TMEM117: variants seen among roughly 807,000 people sequenced by gnomAD.
The protein encoded by TMEM117 is transmembrane protein 117.
In TMEM117, 27 loss-of-function variants were observed where a neutral mutation model predicts 52.4. The ratio of observed to expected loss-of-function variants is 0.51; its 90% CI spans 0.38 to 0.71. The LOEUF (loss-of-function observed/expected upper bound fraction) is 0.71, where lower values mean the gene tolerates loss of function less well. TMEM117 is among the 30% of genes least tolerant of loss of function. The probability of loss-of-function intolerance (pLI) is 0.00; values close to 1 mark genes in which losing one functional copy is unlikely to be tolerated. For synonymous variants in TMEM117, 215 were observed against 206.3 expected (o/e 1.04, Z -0.36); for missense variants, 556 against 630.5 (o/e 0.88, Z 1.26).
At chr12:44,115,486 C>G (rs148163579) in intron 3 of TMEM117, among the ~76,000 whole-genome samples, 1 of 152,176 alleles carries the variant, frequency 6.6e-6, no homozygotes, top group East Asian at 1.9e-4. Flanking sequence ...CATTCCTGAT[C>G]AACTCTGACT....
intron 3 of TMEM117, among the ~76,000 whole-genome samples, chr12:44,002,582 T>G (rs1946133062): frequency 6.6e-6 from 1 of 152,148 alleles, no homozygotes. Context: ...GGAGTTTGCT[T>G]CCCAAAGCTG....
Position 44,270,608 on chromosome 12 carries a change from C to T in TMEM117, c.609-28972C>T, listed in dbSNP as rs569973481. Among the ~76,000 whole-genome samples the T allele has an allele frequency of 2.0e-5, 3 of 152,166 alleles. No individual in the cohort carries two copies. In the South Asian group the frequency reaches 6.2e-4, roughly 32 times the overall value. The stretch of plus-strand genomic sequence containing the variant: ...TTACTGACTTGGATGCCCTTCATTT[C>T]TTTCTCATGTCTGATTGCTCTGGCT... On this transcript the variant is annotated intron_variant, in intron 5 of 7. Coordinates refer to ENST00000266534, the MANE Select transcript of TMEM117 (RefSeq NM_032256.3).
At chr12:44,165,737 A>G (rs773726188) in intron 4 of TMEM117, among the ~76,000 whole-genome samples, 1 of 152,216 alleles carries the variant, frequency 6.6e-6, no homozygotes, top group South Asian at 2.1e-4. Flanking sequence ...AATTATTATT[A>G]GATATAAAGG....
At chr12:44,025,909 C>A (rs76379637) in intron 3 of TMEM117, among the ~76,000 whole-genome samples, 2 of 151,876 alleles carry the variant, frequency 1.3e-5, no homozygotes, top group Non-Finnish European at 2.9e-5. Flanking sequence ...CCGCCCCCCC[C>A]ACCCATAGAG....
chr12:44,371,551 G>C (rs2138837189), intron 6 of TMEM117, among the ~76,000 whole-genome samples: 1 of 152,260 alleles, frequency 6.6e-6, no homozygotes, highest in Admixed American at 6.5e-5. Flanking sequence ...TAGTTTCGCA[G>C]GGTAGGGTAA....
chr12:44,260,570 A>C (rs972510756), intron 5 of TMEM117, among the ~76,000 whole-genome samples: 10 of 152,224 alleles, frequency 6.6e-5, no homozygotes, highest in African/African-American at 2.2e-4. Context: ...AGAAACATAC[A>C]GTATTTATTA....
At chr12:44,145,393 C>CT (rs1565847377) in intron 4 of TMEM117, among the ~76,000 whole-genome samples, 1 of 152,004 alleles carries the variant, frequency 6.6e-6, no homozygotes, top group Non-Finnish European at 1.5e-5. Context: ...ACCTGACCAC[C>CT]TATGGTTCGA....
intron 3 of TMEM117, among the ~76,000 whole-genome samples, chr12:44,098,243 C>G (rs1477744376): frequency 2.0e-5 from 3 of 152,050 alleles, no homozygotes; most frequent in East Asian, 3.9e-4. Context: ...TGTCCCTGAC[C>G]CCTCAGAGGT....
chr12:43,798,520 G>T, the TMEM117 span: 5 of 1,477,806 alleles, frequency 3.4e-6, no homozygotes, highest in African/African-American at 1.4e-5. Context: ...CAGCATAAAT[G>T]ATATTGGTTA....
chr12:43,941,387 A>G (rs11182340), intron 2 of TMEM117, among the ~76,000 whole-genome samples: 1,769 of 152,318 alleles, frequency 0.012, 41 homozygotes, highest in East Asian at 0.07. Context: ...ATACCTAAGA[A>G]AGGAAGGGGT....
intron 4 of TMEM117, among the ~76,000 whole-genome samples, chr12:44,187,096 G>T (rs75982623): frequency 0.011 from 1,746 of 152,142 alleles, 22 homozygotes; most frequent in South Asian, 0.052. Flanking sequence ...TTTCTACTAC[G>T]TATTAGTTTC....
chr12:44,083,064 C>A (rs1464820248), intron 3 of TMEM117, among the ~76,000 whole-genome samples: 1 of 151,900 alleles, frequency 6.6e-6, no homozygotes, highest in African/African-American at 2.4e-5. Flanking sequence ...GTTATTTATC[C>A]ATTTTTCTAT....
At chr12:43,995,714 C>CT (rs1946018736) in intron 3 of TMEM117, among the ~76,000 whole-genome samples, 1 of 152,144 alleles carries the variant, frequency 6.6e-6, no homozygotes, top group Non-Finnish European at 1.5e-5. Flanking sequence ...GTGATCTGGA[C>CT]TTTGTATGAT....
chr12:44,165,706 G>A (rs1209594798), intron 4 of TMEM117, among the ~76,000 whole-genome samples: 1 of 152,118 alleles, frequency 6.6e-6, no homozygotes, highest in Admixed American at 6.6e-5. Flanking sequence ...CCTAACACTG[G>A]AGCATCCAGA....
At chr12:44,058,793 A>G (rs1212362547) in intron 3 of TMEM117, among the ~76,000 whole-genome samples, 1 of 152,200 alleles carries the variant, frequency 6.6e-6, no homozygotes, top group Admixed American at 6.6e-5. Flanking sequence ...CTCTGTTGTC[A>G]AAGTACTTTG....
At chr12:43,889,367 G>A (rs1212082241) in intron 2 of TMEM117, among the ~76,000 whole-genome samples, 1 of 152,208 alleles carries the variant, frequency 6.6e-6, no homozygotes, top group Non-Finnish European at 1.5e-5. Flanking sequence ...ATAGGTGTGA[G>A]CCACCGAGCC....
the TMEM117 span, among the ~76,000 whole-genome samples, chr12:43,796,393 AG>A: frequency 6.6e-6 from 1 of 152,120 alleles, no homozygotes; most frequent in Non-Finnish European, 1.5e-5. Context: ...TATGAGTTTA[AG>A]GGCTCAAGAA....
chr12:44,284,306 G>A (rs540676563), intron 5 of TMEM117, among the ~76,000 whole-genome samples: 58 of 151,670 alleles, frequency 3.8e-4, no homozygotes, highest in African/African-American at 1.0e-3. Flanking sequence ...GCGAGACTCC[G>A]TCTCAAAAAA....
chr12:44,284,113 G>T (rs1204429923), intron 5 of TMEM117, among the ~76,000 whole-genome samples: 2 of 152,160 alleles, frequency 1.3e-5, no homozygotes, highest in Non-Finnish European at 2.9e-5. Flanking sequence ...AAGAGATGGA[G>T]ACCATCCTGG....
Sources: allele counts gnomAD v4.1 joint callset (sites outside exome capture counted in the v4.1 genomes callset), GRCh38; gene constraint gnomAD v4.1.1; transcripts MANE v1.5; gene names NCBI Gene and HGNC (gene_info 2026-07-23, HGNC 2026-07-21).